Variants in PPIE observed in about 807,000 individuals in gnomAD.
PPIE encodes peptidyl-prolyl cis-trans isomerase E.
Under a neutral mutation model 38.4 loss-of-function variants are expected in PPIE, and 20 were observed. The observed-to-expected ratio is 0.52, with a 90% CI of 0.37 to 0.76. PPIE has a LOEUF of 0.76. Ranked by LOEUF, PPIE falls within the 30% of genes least tolerant of loss-of-function variation. The probability of loss-of-function intolerance (pLI) is 0.00; values close to 1 mark genes in which losing one functional copy is unlikely to be tolerated. For synonymous variants in PPIE, 142 were observed against 135.7 expected, an observed-to-expected ratio of 1.05 and a Z score of -0.32; for missense variants, 322 against 385.8, an observed-to-expected ratio of 0.83 and a Z score of 1.39.
intron 8 of PPIE, 115 bp downstream of exon 8, chr1:39,749,203 A>C (rs1569683630): frequency 1.8e-6 from 2 of 1,102,284 alleles, no homozygotes; most frequent in Non-Finnish European, 1.3e-6. Context: ...TCTGGAGGAG[A>C]CCCAGCCACC....
rs748237483 is a variant in PPIE at position 39,762,433 on chromosome 1, G to A, written c.838-1256G>A. 13 of 1,452,818 alleles carry A rather than the reference G, an allele frequency of 8.9e-6. No homozygotes were observed. The East Asian group carries it at 1.0e-4, about 11-fold the overall frequency. 90.0% of individuals were successfully genotyped at this position (1,452,818 alleles called of 1,614,324 possible). ...GTAAAAAGTTCTAGAAGGAAGCCTCGGTGCCAGAATCCACAAACACACAGA... is the reference window on the plus strand; with the variant it reads ...GTAAAAAGTTCTAGAAGGAAGCCTCAGTGCCAGAATCCACAAACACACAGA... On this transcript the variant is annotated intron_variant, in intron 9 of 9. Transcript: ENST00000356511.
At chr1:39,748,068 G>A (rs1186815886) in intron 7 of PPIE, 1 of 151,994 alleles carries the variant, frequency 6.6e-6, no homozygotes, top group African/African-American at 2.4e-5. Context: ...AAAGCACTGG[G>A]ATTACACCGT....
rs1431540850 is a variant in PPIE, at chr1:39,743,230, T to C, written c.216T>C (p.Leu72=). The change falls in exon 5 of 10, where the codon CTT becomes CTC. Residue 72 remains leucine, a synonymous_variant. Transcript: ENST00000324379. ...AAIDNMNESE[L]FGRTIRVNLA... ...AATCTTTTCAGAATGAATCTGAGCT[T>C]TTTGGACGTACAATTCGTGTCAATT... 6.2e-7 allele frequency: 1 copy of C among 1,614,168 alleles called. No individual in the cohort carries two copies. The highest frequency in any genetic ancestry group is 2.2e-5 in the East Asian group (1 of 44,884).
At chr1:39,763,740 T>G in exon 10 of PPIE, 1 of 1,603,598 alleles carries the variant, frequency 6.2e-7, no homozygotes, top group Non-Finnish European at 8.5e-7. Flanking sequence ...GAAGCTGACG[T>G]AGAGCTCGTG....
chr1:39,763,257 G>A (rs1193561718), intron 9 of PPIE: 9 of 1,516,420 alleles, frequency 5.9e-6, no homozygotes, highest in Non-Finnish European at 8.1e-6. Context: ...CTGAGCCTCA[G>A]GGCCCAAACC....
At chr1:39,762,465 A>C in intron 9 of PPIE, 1 of 1,517,448 alleles carries the variant, frequency 6.6e-7, no homozygotes, top group Non-Finnish European at 8.8e-7. Flanking sequence ...CAGAGCACTC[A>C]ACAGTGAGCA....
intron 4 of PPIE, 95 bp downstream of exon 4, chr1:39,742,016 A>C: frequency 7.4e-7 from 1 of 1,356,636 alleles, no homozygotes; most frequent in Non-Finnish European, 1.0e-6. Context: ...CCAAAGTTAC[A>C]AGGTTGCATG....
chr1:39,743,753 T>A, intron 5 of PPIE, 71 bp from the exon 6 acceptor site: 2 of 1,284,954 alleles, frequency 1.6e-6, no homozygotes, highest in South Asian at 1.3e-5. Context: ...TCCACTTTGC[T>A]GACCAAAGCA....
chr1:39,748,966 G>A lies in PPIE; in HGVS notation c.572G>A (p.Arg191His), dbSNP rs925108996. Reference protein sequence around the residue: ...GFGFKGSSFHRIIPQFMCQGG... With the variant: ...GFGFKGSSFHHIIPQFMCQGG... ...GGCTTTAAGGGAAGCAGCTTCCACC[G>A]CATCATCCCCCAGTTCATGTGCCAG... Residue 191 changes from arginine to histidine, a missense_variant, in exon 8 of 10, where the codon CGC (arginine) becomes CAC (histidine). Coordinates refer to ENST00000324379, the MANE Select transcript of PPIE (RefSeq NM_006112.4). 8 of 1,614,040 alleles carry A rather than the reference G, an allele frequency of 5.0e-6. No individual in the cohort carries two copies. The highest frequency in any genetic ancestry group is 1.1e-5 in the South Asian group (1 of 91,070).
At chr1:39,751,202 A>G (rs1448864360) in intron 8 of PPIE, among the ~76,000 whole-genome samples, 2 of 152,260 alleles carry the variant, frequency 1.3e-5, no homozygotes, top group Admixed American at 6.5e-5. Context: ...GTTTATTTAC[A>G]TAGTAGTTAC....
In PPIE at chr1:39,745,366, T is replaced by C. The variant is rs769857073; in HGVS notation, c.385-9T>C. The C allele has an allele frequency of 6.2e-7, 1 of 1,614,108 alleles. No homozygotes were observed. Among genetic ancestry groups the C allele is most frequent in the East Asian group, 2.2e-5 (1 of 44,888 alleles). On this transcript the variant is annotated splice_polypyrimidine_tract_variant and intron_variant, in intron 6 of 9. Transcript: ENST00000324379. ...GCTCTCTCTAACTAGCAATTTCTTC[T>C]GCACCTAGGGAGAGCCCATTGCTAA...
chr1:39,757,943 A>G (rs568703927), downstream of PPIE: 1 of 152,192 alleles, frequency 6.6e-6, no homozygotes, highest in Middle Eastern at 3.2e-3. Context: ...ATGTTTTTCC[A>G]TTGTTCTGTA....
intron 6 of PPIE, among the ~76,000 whole-genome samples, chr1:39,744,751 A>G (rs2124316641): frequency 6.6e-6 from 1 of 152,298 alleles, no homozygotes; most frequent in East Asian, 1.9e-4. Flanking sequence ...CACGCCAGAA[A>G]TTTGAATGCA....
rs556052470 is a variant in PPIE at position 39,744,039 on chromosome 1, T to A, written c.384+115T>A. 3.8e-5 allele frequency: 24 copies of A among 636,412 alleles called. No homozygotes were observed. In the African/African-American group the frequency reaches 4.4e-4, roughly 12 times the overall value. 39.4% of individuals were successfully genotyped at this position (636,412 alleles called of 1,614,324 possible). ...TGTATATCAAAGTGGAGGGAATGAA[T>A]AATGAATTCTTAGTACTTTGGTAAA... On this transcript the variant is annotated intron_variant, in intron 6 of 9. Transcript: ENST00000324379.
At chr1:39,762,088 G>A (rs1234219440) in intron 9 of PPIE, among the ~76,000 whole-genome samples, 1 of 152,186 alleles carries the variant, frequency 6.6e-6, no homozygotes, top group Non-Finnish European at 1.5e-5. Flanking sequence ...ATCATCCCTG[G>A]GCCTTTCCAA....
rs1557460147 is a variant in PPIE, at chr1:39,754,980, T to C, written c.*1625T>C. 4.1e-6 allele frequency: 4 copies of C among 983,434 alleles called. No homozygotes were observed. The highest frequency in any genetic ancestry group is 4.8e-6 in the Non-Finnish European group (4 of 828,124). 60.9% of individuals were successfully genotyped at this position (983,434 alleles called of 1,614,324 possible). ...TCACAGTCCCAAGGCCTAAAATACT[T>C]ACTATCTGAGCCTTTACAAAACAGG... is the stretch of plus-strand genomic sequence containing the variant. On this transcript the variant is annotated 3_prime_UTR_variant, in exon 10 of 10. Transcript: ENST00000324379.
chr1:39,756,730 T>A lies in PPIE; in HGVS notation c.*3375T>A. On this transcript the variant is annotated 3_prime_UTR_variant, in exon 10 of 10. Transcript: ENST00000324379. The stretch of plus-strand genomic sequence containing the variant: ...TGTAAGCATAGGTATTTGTATATCT[T>A]AAGAAAAAAAGCCTAGAAATAAAGC... 1 of 510,914 alleles carries A rather than the reference T, an allele frequency of 2.0e-6. No homozygotes were observed. Among genetic ancestry groups the A allele is most frequent in the Non-Finnish European group, 2.5e-6 (1 of 396,608 alleles). The allele number at this position is 510,914 out of a possible 1,614,324, so 31.6% of individuals were successfully genotyped here. A position where few individuals can be genotyped will look rare whatever the true frequency, so the allele number is the denominator to read the frequency against.
chr1:39,753,165 G>A (rs563575681), intron 9 of PPIE, 113 bp downstream of exon 9: 10 of 1,585,778 alleles, frequency 6.3e-6, no homozygotes, highest in East Asian at 4.5e-5. Context: ...TGTGTCCAGC[G>A]GGAGGGGCTG....
chr1:39,748,950 G>A lies in PPIE; in HGVS notation c.556G>A (p.Gly186Arg). The change falls in exon 8 of 10, where the codon GGA becomes AGA. Residue 186 changes from glycine to arginine, a missense_variant. By Grantham distance (125) the Gly-to-Arg change is moderately radical. Transcript: ENST00000324379. ...TCATGAAAAGGGCTTTGGCTTTAAG[G>A]GAAGCAGCTTCCACCGCATCATCCC... ...CTHEKGFGFK[G>R]SSFHRIIPQF... 6.2e-7 allele frequency: 1 copy of A among 1,614,070 alleles called. No homozygotes were observed. Among genetic ancestry groups the A allele is most frequent in the Non-Finnish European group, 8.5e-7 (1 of 1,180,016 alleles).
Sources: allele counts gnomAD v4.1 joint callset (sites outside exome capture counted in the v4.1 genomes callset), GRCh38; gene constraint gnomAD v4.1.1; transcripts MANE v1.5; gene names NCBI Gene and HGNC (gene_info 2026-07-23, HGNC 2026-07-21).